STOX2: variants seen among roughly 807,000 people sequenced by gnomAD.
STOX2 encodes the protein storkhead-box protein 2.
Under a neutral mutation model 60.9 loss-of-function variants are expected in STOX2, and 28 were observed. The ratio of observed to expected loss-of-function variants is 0.46; its 90% CI spans 0.34 to 0.63. The LOEUF (loss-of-function observed/expected upper bound fraction) is 0.63. STOX2 is among the 30% of genes least tolerant of loss of function. STOX2 has a pLI of 0.01. For missense variants in STOX2, 1,024 were observed against 1,187.7 expected, an observed-to-expected ratio of 0.86 and a Z score of 2.03; for synonymous variants, 472 against 463.9, an observed-to-expected ratio of 1.02 and a Z score of -0.22.
chr4:183,942,340 T>G (rs909057767), intron 1 of STOX2, among the ~76,000 whole-genome samples: 3 of 151,070 alleles, frequency 2.0e-5, no homozygotes, highest in African/African-American at 7.3e-5. Flanking sequence ...TTCTAGGTTT[T>G]TTTTTTTTTT....
At chr4:183,855,649 C>T (rs1247328935) in intron 1 of STOX2, among the ~76,000 whole-genome samples, 1 of 152,168 alleles carries the variant, frequency 6.6e-6, no homozygotes. Context: ...TTATAGTATA[C>T]TTTTCAAAAT....
intron 1 of STOX2, among the ~76,000 whole-genome samples, chr4:183,874,939 AAAAAAAAAAAAAAATATATATAT>A (rs1740781435): frequency 1.1e-5 from 1 of 88,396 alleles, no homozygotes; most frequent in African/African-American, 4.6e-5. Context: ...AAAAAAAAAA[AAAAAAAAAAAAAAATATATATAT>A]ATATATATAT....
chr4:184,006,901 A>G (rs1271532337), intron 2 of STOX2, among the ~76,000 whole-genome samples: 1 of 147,930 alleles, frequency 6.8e-6, no homozygotes, highest in East Asian at 2.0e-4. Flanking sequence ...CTGTAGTCCC[A>G]GCTACTTGGG....
intron 1 of STOX2, among the ~76,000 whole-genome samples, chr4:183,872,549 T>A (rs1465850061): frequency 6.6e-6 from 1 of 152,196 alleles, no homozygotes; most frequent in Non-Finnish European, 1.5e-5. Flanking sequence ...ATCAAGGCTA[T>A]GTGTCAGAGA....
intron 1 of STOX2, among the ~76,000 whole-genome samples, chr4:184,000,927 T>C (rs908078263): frequency 1.3e-5 from 2 of 152,230 alleles, no homozygotes; most frequent in African/African-American, 4.8e-5. Context: ...GTAAACGCGT[T>C]CAATGTGTGA....
chr4:183,834,002 GA>G (rs1207843567), intron 1 of STOX2, among the ~76,000 whole-genome samples: 1 of 118,284 alleles, frequency 8.5e-6, no homozygotes, highest in Non-Finnish European at 1.8e-5. Flanking sequence ...AAAAAAAAAA[GA>G]ATGTGAGAAG....
chr4:183,975,933 G>A (rs149182832), intron 1 of STOX2, among the ~76,000 whole-genome samples: 3 of 152,172 alleles, frequency 2.0e-5, no homozygotes, highest in Non-Finnish European at 4.4e-5. Context: ...CAAAATATTA[G>A]TACATTGAAT....
intron 1 of STOX2, among the ~76,000 whole-genome samples, chr4:183,895,385 C>G (rs1435913256): frequency 6.6e-6 from 1 of 152,136 alleles, no homozygotes; most frequent in Non-Finnish European, 1.5e-5. Context: ...TGCTGGGAAC[C>G]ATAGCACTGA....
intron 1 of STOX2, among the ~76,000 whole-genome samples, chr4:183,813,281 G>T (rs1428321723): frequency 6.6e-6 from 1 of 152,190 alleles, no homozygotes; most frequent in Non-Finnish European, 1.5e-5. Flanking sequence ...TACTTGGGAG[G>T]CTGAGGCAGG....
intron 3 of STOX2, chr4:184,015,018 C>T (rs768383283): frequency 5.9e-5 from 9 of 152,192 alleles, no homozygotes; most frequent in Non-Finnish European, 1.0e-4. Context: ...CCCACAGTCA[C>T]TATTTATTTC....
intron 1 of STOX2, among the ~76,000 whole-genome samples, chr4:183,983,713 G>T (rs1046355301): frequency 6.6e-6 from 1 of 152,204 alleles, no homozygotes; most frequent in Non-Finnish European, 1.5e-5. Flanking sequence ...TCTAGCAAAT[G>T]CTGAGTGAAA....
At chr4:183,881,030 C>T (rs1264208514) in intron 1 of STOX2, among the ~76,000 whole-genome samples, 1 of 152,194 alleles carries the variant, frequency 6.6e-6, no homozygotes, top group Non-Finnish European at 1.5e-5. Context: ...ATCAACAGAG[C>T]TGTAGGGTGG....
rs1206591025 is a variant in STOX2 at position 183,907,008 on chromosome 4, C to A, written c.166+52C>A. On this transcript the variant is annotated intron_variant, in intron 1 of 3. Transcript: ENST00000308497. ...CCGGGCCGGGGCCGCGGGACGTGCTCGGTACGCCGCGGCCCGGGTGCTTGG... is the reference window on the plus strand; with the variant it reads ...CCGGGCCGGGGCCGCGGGACGTGCTAGGTACGCCGCGGCCCGGGTGCTTGG... The A allele has an allele frequency of 6.3e-6, 9 of 1,426,618 alleles. No individual in the cohort carries two copies. The African/African-American group carries it at 1.3e-4, about 21-fold the overall frequency. 88.4% of individuals were successfully genotyped at this position (1,426,618 alleles called of 1,614,324 possible).
rs758763049 is a variant in STOX2, at chr4:184,010,128, C to T, written c.1290C>T (p.Leu430=). ...NFIMHSNTNV[L]ESHFPMTPEW... ...TCATGCACAGCAACACAAACGTGCT[C>T]GAGTCCCACTTCCCCATGACACCAG... Residue 430 remains leucine, a synonymous_variant, in exon 3 of 4, where the codon CTC becomes CTT. Coordinates refer to ENST00000308497, the MANE Select transcript of STOX2 (RefSeq NM_020225.3). This position sits in a 1 kb window ranked among gnomAD's most constrained non-coding sequence, Gnocchi z 4.5. 5 of 1,576,602 alleles carry T rather than the reference C, an allele frequency of 3.2e-6. No individual in the cohort carries two copies. The highest frequency in any genetic ancestry group is 2.3e-5 in the East Asian group (1 of 42,966).
rs192725714 is a variant in STOX2 at position 183,806,285 on chromosome 4, C to G, written c.364+8230C>G. 1.3e-5 allele frequency among the ~76,000 whole-genome samples: 2 copies of G among 152,210 alleles called. No individual in the cohort carries two copies. Among genetic ancestry groups the G allele is most frequent in the Non-Finnish European group, 2.9e-5 (2 of 68,042 alleles). On this transcript the variant is annotated intron_variant, in intron 1 of 2. Transcript: ENST00000513034. This position sits in a 1 kb window ranked among gnomAD's most constrained non-coding sequence, Gnocchi z 4.1. ...ACTTGCTTCTGTAAGCAGGATGTCA[C>G]CTCCCCACTCCCCAATAACGTACGT... is the stretch of plus-strand genomic sequence containing the variant.
chr4:183,940,706 C>T (rs1742731382), intron 1 of STOX2, among the ~76,000 whole-genome samples: 1 of 152,190 alleles, frequency 6.6e-6, no homozygotes, highest in South Asian at 2.1e-4. Context: ...AAATTTACCC[C>T]CTAATCAGCA....
chr4:183,968,025 A>G (rs961974274), intron 1 of STOX2, among the ~76,000 whole-genome samples: 2 of 152,192 alleles, frequency 1.3e-5, no homozygotes, highest in African/African-American at 4.8e-5. Flanking sequence ...TTATCAAGCA[A>G]AAGATATCAG....
At chr4:183,956,253 A>G (rs1264692871) in intron 1 of STOX2, among the ~76,000 whole-genome samples, 1 of 152,244 alleles carries the variant, frequency 6.6e-6, no homozygotes, top group East Asian at 1.9e-4. Flanking sequence ...CTTTCCTCCC[A>G]CCAGCTTTTA....
intron 1 of STOX2, among the ~76,000 whole-genome samples, chr4:183,959,560 C>G (rs941079979): frequency 6.6e-6 from 1 of 152,164 alleles, no homozygotes; most frequent in African/African-American, 2.4e-5. Context: ...CCAGGAACCT[C>G]CTTTAATACT....
Sources: allele counts gnomAD v4.1 joint callset (sites outside exome capture counted in the v4.1 genomes callset), GRCh38; gene constraint gnomAD v4.1.1; non-coding constraint Gnocchi (gnomAD v3.1); transcripts MANE v1.5; gene names NCBI Gene and HGNC (gene_info 2026-07-23, HGNC 2026-07-21).